The following INTS3 variants were observed in gnomAD, a reference collection of about 807,000 sequenced individuals.
INTS3 encodes the protein SOSS complex subunit A.
In INTS3, 34 loss-of-function variants were observed where a neutral mutation model predicts 146.3. That is an observed-to-expected ratio of 0.23 (90% CI 0.18 to 0.31). The LOEUF is 0.31. Ranked by LOEUF, INTS3 falls within the 10% of genes least tolerant of loss-of-function variation. INTS3 has a pLI of 1.00. For synonymous variants in INTS3, 475 were observed against 494.9 expected, an observed-to-expected ratio of 0.96 and a Z score of 0.53; for missense variants, 757 against 1,304.2, an observed-to-expected ratio of 0.58 and a Z score of 6.46.
At chr1:153,741,943 G>A (rs1364945187) in intron 3 of INTS3, among the ~76,000 whole-genome samples, 3 of 152,152 alleles carry the variant, frequency 2.0e-5, no homozygotes, top group Non-Finnish European at 2.9e-5. Flanking sequence ...TATGTGGAAC[G>A]GTTCAAGTAG....
Position 153,774,404 on chromosome 1 carries a change from C to G in INTS3, c.*1134C>G, listed in dbSNP as rs970601634. 6.6e-6 allele frequency: 1 copy of G among 152,172 alleles called. No individual in the cohort carries two copies. The highest frequency in any genetic ancestry group is 2.4e-5 in the African/African-American group (1 of 41,404). 9.4% of individuals were successfully genotyped at this position (152,172 alleles called of 1,614,324 possible). On this transcript the variant is annotated 3_prime_UTR_variant, in exon 30 of 30. Transcript: ENST00000318967. The stretch of plus-strand genomic sequence containing the variant: ...AGTCTGTGTGCCTACCAAGAATGGC[C>G]GGAGGACTCGCTGCTTGACGGGAGG...
chr1:153,746,568 T>C (rs1300259516), intron 3 of INTS3, among the ~76,000 whole-genome samples: 1 of 148,688 alleles, frequency 6.7e-6, no homozygotes, highest in Non-Finnish European at 1.5e-5. Flanking sequence ...GCCCGGCTAA[T>C]TTTTTTGTAT....
In INTS3 at chr1:153,773,397, A is replaced by T. The variant is rs1672990625; in HGVS notation, c.*127A>T. On this transcript the variant is annotated 3_prime_UTR_variant, in exon 30 of 30. Coordinates refer to ENST00000318967, the MANE Select transcript of INTS3 (RefSeq NM_023015.5). ...CTGCATCCCCAAGCTCCCCCGGTGG[A>T]AGGAGGAGCTTTCTCCTCTGGCTGA... 1 of 887,960 alleles carries T rather than the reference A, an allele frequency of 1.1e-6. No homozygotes were observed. The highest frequency in any genetic ancestry group is 1.8e-6 in the Non-Finnish European group (1 of 546,972). The allele number at this position is 887,960 out of a possible 1,614,324, so 55.0% of individuals were successfully genotyped here. A position where few individuals can be genotyped will look rare whatever the true frequency, so the allele number is the denominator to read the frequency against.
intron 19 of INTS3, 57 bp downstream of exon 19, chr1:153,764,791 C>T: frequency 1.3e-6 from 2 of 1,488,366 alleles, no homozygotes; most frequent in Non-Finnish European, 1.9e-6. Context: ...TGACAGCACA[C>T]ACATGTGCTC....
Position 153,760,405 on chromosome 1 carries a change from T to C in INTS3, c.1317+15T>C, listed in dbSNP as rs747199199. 6.2e-7 allele frequency: 1 copy of C among 1,603,562 alleles called. No homozygotes were observed. Among genetic ancestry groups the C allele is most frequent in the Non-Finnish European group, 8.5e-7 (1 of 1,170,526 alleles). ...TCATGTGCCGCGTAAGTGTTAGAGC[T>C]CTCTTTTCTCCCCATGCCTGGATGA... On this transcript the variant is annotated intron_variant, in intron 12 of 29. Coordinates refer to ENST00000318967, the MANE Select transcript of INTS3 (RefSeq NM_023015.5).
chr1:153,761,730 G>T (rs1187835585), intron 14 of INTS3, 54 bp downstream of exon 14: 1 of 1,215,658 alleles, frequency 8.2e-7, no homozygotes, highest in Non-Finnish European at 1.2e-6. Flanking sequence ...AAGACAACCA[G>T]GCCTTCAGGC....
Position 153,764,109 on chromosome 1 carries a change from A to T in INTS3, c.1822-9A>T, listed in dbSNP as rs1422513231. 1 of 1,610,682 alleles carries T rather than the reference A, an allele frequency of 6.2e-7. No individual in the cohort carries two copies. Among genetic ancestry groups the T allele is most frequent in the East Asian group, 2.2e-5 (1 of 44,846 alleles). On this transcript the variant is annotated splice_polypyrimidine_tract_variant and intron_variant, in intron 17 of 29. Transcript: ENST00000318967. ...GTAGTGACTCTCCCTCCCTTGTCTC[A>T]TCACCCAGGAAGACTTTGACTCGGA... is the stretch of plus-strand genomic sequence containing the variant.
In INTS3 at chr1:153,760,862, C is replaced by A. The variant is rs147284990; in HGVS notation, c.1353C>A (p.His451Gln). 120 of 1,614,046 alleles carry A rather than the reference C, an allele frequency of 7.4e-5. 1 individual carries two copies. Among genetic ancestry groups the A allele is most frequent in the Non-Finnish European group, 9.8e-5 (116 of 1,180,012 alleles). ...IPNFYPPLEGHVRQGVFSSLN... is the reference protein window; with the variant it reads ...IPNFYPPLEGQVRQGVFSSLN... The stretch of plus-strand genomic sequence containing the variant: ...ACTTCTATCCACCATTGGAGGGCCA[C>A]GTGCGGCAGGGTGTCTTTTCCTCCC... The change falls in exon 13 of 30, where the codon CAC becomes CAA. Residue 451 changes from histidine to glutamine, a missense_variant. By Grantham distance (24) the His-to-Gln change is conservative. Around this residue, in one of 8 missense-constraint regions of INTS3, gnomAD observed 97 missense variants for 113.6 expected, o/e 0.85. Coordinates refer to ENST00000318967, the MANE Select transcript of INTS3 (RefSeq NM_023015.5).
At chr1:153,741,520 G>T in intron 3 of INTS3, 152 bp downstream of exon 3, 2 of 601,374 alleles carry the variant, frequency 3.3e-6, no homozygotes, top group Non-Finnish European at 3.0e-6. Flanking sequence ...TTTTTACTCA[G>T]TGAATTGGTC....
rs1034115773 is a variant in INTS3 at position 153,762,862 on chromosome 1, A to C, written c.1636+15A>C. 6 of 1,613,442 alleles carry C rather than the reference A, an allele frequency of 3.7e-6. No homozygotes were observed. The highest frequency in any genetic ancestry group is 3.3e-5 in the Admixed American group (2 of 60,010). On this transcript the variant is annotated intron_variant, in intron 15 of 29. Transcript: ENST00000318967. ...CAACAGCAAAGGTGAGGCCATCAGC[A>C]AGGGCTAGTTCAGGGTTGTGTCAGC...
rs1672064450 is a variant in INTS3 at position 153,753,974 on chromosome 1, T to G, written c.860-668T>G. Among the ~76,000 whole-genome samples, 4 of 146,094 alleles carry G rather than the reference T, an allele frequency of 2.7e-5. No individual in the cohort carries two copies. The South Asian group carries it at 8.7e-4, about 32-fold the overall frequency. On this transcript the variant is annotated intron_variant, in intron 8 of 29. Transcript: ENST00000318967. ...CTGGCCTCTTTTTTTTTTTTTTTTTTTCTGTTTTTTAAGATGGGGTGTCAC... is the reference window on the plus strand; with the variant it reads ...CTGGCCTCTTTTTTTTTTTTTTTTTGTCTGTTTTTTAAGATGGGGTGTCAC...
intron 12 of INTS3, 164 bp downstream of exon 12, chr1:153,760,554 C>T: frequency 1.6e-6 from 1 of 638,178 alleles, no homozygotes; most frequent in Non-Finnish European, 2.8e-6. Flanking sequence ...TTCCATATTC[C>T]ACTGTCTGCA....
chr1:153,763,867 T>C lies in INTS3; in HGVS notation c.1802T>C (p.Ile601Thr), dbSNP rs750134978. 2 of 1,613,848 alleles carry C rather than the reference T, an allele frequency of 1.2e-6. No homozygotes were observed. The highest frequency in any genetic ancestry group is 1.7e-6 in the Non-Finnish European group (2 of 1,179,974). The change falls in exon 17 of 30, where the codon ATT becomes ACT. Residue 601 changes from isoleucine to threonine, a missense_variant. By Grantham distance (89) the Ile-to-Thr change is moderately conservative (BLOSUM62 -1). Coordinates refer to ENST00000318967, the MANE Select transcript of INTS3 (RefSeq NM_023015.5). ...TEAQCEVMQE[I>T]VDQVLEEDFD... is the part of the protein sequence containing the mutation. ...GCCCAGTGTGAGGTCATGCAGGAAA[T>C]TGTGGACCAGGTCCTGGAGGTGAGG...
At chr1:153,767,850 G>T (rs531126329) in intron 21 of INTS3, 23 bp downstream of exon 21, 2 of 1,578,742 alleles carry the variant, frequency 1.3e-6, no homozygotes, top group Non-Finnish European at 1.7e-6. Flanking sequence ...ATCCGTATCT[G>T]TGCCGGGGGG....
At chr1:153,746,100 T>C (rs918997344) in intron 3 of INTS3, among the ~76,000 whole-genome samples, 4 of 152,110 alleles carry the variant, frequency 2.6e-5, no homozygotes, top group African/African-American at 7.2e-5. Flanking sequence ...CAAAAAAATA[T>C]CAGTTTTGGT....
chr1:153,752,064 A>G, intron 7 of INTS3: 4 of 565,832 alleles, frequency 7.1e-6, no homozygotes, highest in East Asian at 3.3e-5. Flanking sequence ...AGCACTTCCC[A>G]CTAACCTCTC....
intron 6 of INTS3, among the ~76,000 whole-genome samples, chr1:153,749,512 T>A (rs1405374874): frequency 6.6e-6 from 1 of 152,206 alleles, no homozygotes; most frequent in Non-Finnish European, 1.5e-5. Context: ...CCTCCCAACG[T>A]TCACACTTGT....
intron 9 of INTS3, among the ~76,000 whole-genome samples, chr1:153,756,524 T>C (rs1019345212): frequency 6.7e-6 from 1 of 149,294 alleles, no homozygotes. Flanking sequence ...TCTTAAAAAA[T>C]AATAATTGGG....
intron 1 of INTS3, among the ~76,000 whole-genome samples, chr1:153,731,004 T>C (rs1441992102): frequency 6.6e-6 from 1 of 151,750 alleles, no homozygotes; most frequent in Non-Finnish European, 1.5e-5. Context: ...TTGTTCTGGC[T>C]TGGTTATTTT....
Sources: allele counts gnomAD v4.1 joint callset (sites outside exome capture counted in the v4.1 genomes callset), GRCh38; gene constraint gnomAD v4.1.1; regional missense constraint gnomAD v4.1.1; transcripts MANE v1.5; gene names NCBI Gene and HGNC (gene_info 2026-07-23, HGNC 2026-07-21).